Variants in TTYH1 observed in about 807,000 individuals in gnomAD.
TTYH1 encodes the protein protein tweety homolog 1.
A neutral mutation model predicts 61.2 loss-of-function variants in TTYH1; 33 were observed. That is an observed-to-expected ratio of 0.54 (90% CI 0.41 to 0.72). The LOEUF is 0.72. Among genes scored for constraint, TTYH1 ranks in the 30% least tolerant of loss-of-function variants. The probability of loss-of-function intolerance (pLI) is 0.00; values close to 1 mark genes in which losing one functional copy is unlikely to be tolerated. For missense variants in TTYH1, 538 were observed against 575.8 expected (o/e 0.93, Z 0.67); for synonymous variants, 308 against 266.4 (o/e 1.16, Z -1.52).
intron 4 of TTYH1, among the ~76,000 whole-genome samples, chr19:54,423,944 C>T (rs557652077): frequency 4.6e-5 from 7 of 152,216 alleles, no homozygotes; most frequent in African/African-American, 1.2e-4. Flanking sequence ...AGGCGGATCA[C>T]GAGGTCAAGA....
At position 54,429,820 on chromosome 19, in the gene TTYH1, C is replaced by T; in HGVS notation, c.808-62C>T. ...GAGCTGGGGAGCCAGGCACTGGGTG[C>T]TGTGGGAGTGTGGAATCGGGGCAGT... On this transcript the variant is annotated intron_variant, in intron 6 of 13. Transcript: ENST00000376530. This position sits in a 1 kb window ranked among gnomAD's most constrained non-coding sequence, Gnocchi z 5.1. 1.4e-6 allele frequency: 2 copies of T among 1,450,384 alleles called. No homozygotes were observed. Among genetic ancestry groups the T allele is most frequent in the Non-Finnish European group, 1.9e-6 (2 of 1,036,632 alleles). The allele number at this position is 1,450,384 out of a possible 1,614,324, so 89.8% of individuals were successfully genotyped here. A position where few individuals can be genotyped will look rare whatever the true frequency, so the allele number is the denominator to read the frequency against.
Position 54,416,989 on chromosome 19 carries a change from T to A in TTYH1, c.126+1311T>A. 2 of 1,204,322 alleles carry A rather than the reference T, an allele frequency of 1.7e-6. No homozygotes were observed. Among genetic ancestry groups the A allele is most frequent in the Non-Finnish European group, 2.1e-6 (2 of 948,994 alleles). 74.6% of individuals were successfully genotyped at this position (1,204,322 alleles called of 1,614,324 possible). ...GGGGTCAGGGTCAGGGTGGCAGGGA[T>A]GCGCGGGCAGAGCCCCACAGCCGAG... On this transcript the variant is annotated intron_variant, in intron 1 of 13. Coordinates refer to ENST00000376530, the MANE Select transcript of TTYH1 (RefSeq NM_020659.4). This position sits in a 1 kb window ranked among gnomAD's most constrained non-coding sequence, Gnocchi z 7.0.
In TTYH1 at chr19:54,429,325, C is replaced by G. The variant is rs2083387706; in HGVS notation, c.753C>G (p.Leu251=). 6.2e-7 allele frequency: 1 copy of G among 1,614,030 alleles called. No individual in the cohort carries two copies. Among genetic ancestry groups the G allele is most frequent in the Non-Finnish European group, 8.5e-7 (1 of 1,180,032 alleles). The change falls in exon 6 of 14, where the codon CTC becomes CTG. Residue 251 remains leucine, a synonymous_variant. Coordinates refer to ENST00000376530, the MANE Select transcript of TTYH1 (RefSeq NM_020659.4). This position sits in a 1 kb window ranked among gnomAD's most constrained non-coding sequence, Gnocchi z 5.1. ...ACTCTAGGATGACAGTCATGAGTCT[C>G]CTGGTTCTCGTCCTGAGCTGGGGCT... ...WLVIVMTVMS[L]LVLVLSWGSM...
At chr19:54,426,573 C>A in intron 4 of TTYH1, 100 bp from the exon 5 acceptor site, 1 of 911,056 alleles carries the variant, frequency 1.1e-6, no homozygotes, top group Non-Finnish European at 1.8e-6. Context: ...GAATGTGAGG[C>A]TGAGCTGGGG....
chr19:54,420,598 ATGGAGCTC>A lies in TTYH1; in HGVS notation c.306-676_306-669del, dbSNP rs971583080. The A allele has an allele frequency of 1.9e-5, 3 of 159,564 alleles. No individual in the cohort carries two copies. Among genetic ancestry groups the A allele is most frequent in the Non-Finnish European group, 2.9e-5 (2 of 68,036 alleles). 9.9% of individuals were successfully genotyped at this position (159,564 alleles called of 1,614,324 possible). On this transcript the variant is annotated intron_variant, in intron 2 of 13. Coordinates refer to ENST00000376530, the MANE Select transcript of TTYH1 (RefSeq NM_020659.4). This position sits in a 1 kb window ranked among gnomAD's most constrained non-coding sequence, Gnocchi z 4.8. ...TGGGGCCCCACATTCAGGTCCCACA[ATGGAGCTC>A]TGTGTGTCGGTAGGGTGGGGGCGGG...
chr19:54,430,677 G>T, intron 8 of TTYH1, 72 bp downstream of exon 8: 3 of 1,546,122 alleles, frequency 1.9e-6, no homozygotes, highest in Non-Finnish European at 2.7e-6. Flanking sequence ...AGGGGGCGGG[G>T]CTGGGGCTGG....
At chr19:54,417,356 GCACA>G (rs1361699866) in intron 1 of TTYH1, among the ~76,000 whole-genome samples, 2 of 148,890 alleles carry the variant, frequency 1.3e-5, no homozygotes, top group Non-Finnish European at 3.0e-5. Context: ...TTACACACAT[GCACA>G]CACACATATG....
chr19:54,435,181 G>T, intron 10 of TTYH1: 1 of 234,050 alleles, frequency 4.3e-6, no homozygotes. Flanking sequence ...AGATGAAGAT[G>T]GAGGAGAGGG....
In TTYH1 at chr19:54,435,560, C is replaced by A. The variant is rs775216325; in HGVS notation, c.1144C>A (p.Arg382=). The change falls in exon 11 of 14, where the codon CGG becomes AGG. Residue 382 remains arginine (R), a synonymous_variant. Transcript: ENST00000376530. Reference sequence around the variant, plus strand: ...CCCTCAGGACTATGGTGCAGCCCTGCGGGGCCTGTGCGAAGACGCCCTGGA... The same window carrying A: ...CCCTCAGGACTATGGTGCAGCCCTGAGGGGCCTGTGCGAAGACGCCCTGGA... ...SLHKDYGAAL[R]GLCEDALEGL... 6.2e-7 allele frequency: 1 copy of A among 1,605,350 alleles called. No homozygotes were observed. Among genetic ancestry groups the A allele is most frequent in the Admixed American group, 1.7e-5 (1 of 59,758 alleles).
chr19:54,426,473 T>C (rs2083321295), intron 4 of TTYH1, 200 bp from the exon 5 acceptor site: 2 of 608,206 alleles, frequency 3.3e-6, no homozygotes, highest in African/African-American at 1.9e-5. Flanking sequence ...ACCGCTCCAG[T>C]GTCCTGTCTC....
chr19:54,424,866 T>C (rs1429360740), intron 4 of TTYH1, among the ~76,000 whole-genome samples: 1 of 152,158 alleles, frequency 6.6e-6, no homozygotes, highest in African/African-American at 2.4e-5. Context: ...GAGCACTTAC[T>C]ACGTGCCGGG....
rs1256664387 is a variant in TTYH1, at chr19:54,429,218, G to C, written c.735-89G>C. 2.2e-5 allele frequency: 27 copies of C among 1,216,468 alleles called. No individual in the cohort carries two copies. Among genetic ancestry groups the C allele is most frequent in the Admixed American group, 7.0e-5 (4 of 56,968 alleles). 75.4% of individuals were successfully genotyped at this position (1,216,468 alleles called of 1,614,324 possible). A position where few individuals can be genotyped will look rare whatever the true frequency, so the allele number is the denominator to read the frequency against. On this transcript the variant is annotated intron_variant, in intron 5 of 13. Coordinates refer to ENST00000376530, the MANE Select transcript of TTYH1 (RefSeq NM_020659.4). This position sits in a 1 kb window ranked among gnomAD's most constrained non-coding sequence, Gnocchi z 5.1. ...CAGGCTCCAGAGGTGGGTGGAGGTG[G>C]GGGGCGGCTGTGATGGGATTTGGGG...
intron 4 of TTYH1, 59 bp downstream of exon 4, chr19:54,422,469 G>C: frequency 7.0e-7 from 1 of 1,423,716 alleles, no homozygotes; most frequent in Non-Finnish European, 9.4e-7. Context: ...GTCCCCGGGG[G>C]GACAGTTGGC....
At position 54,415,522 on chromosome 19, in the gene TTYH1, G is replaced by C. The variant is rs776175062; in HGVS notation, c.-31G>C. 1 of 1,392,560 alleles carries C rather than the reference G, an allele frequency of 7.2e-7. No homozygotes were observed. The highest frequency in any genetic ancestry group is 1.6e-5 in the South Asian group (1 of 64,408). The allele number at this position is 1,392,560 out of a possible 1,614,324, so 86.3% of individuals were successfully genotyped here. ...CTCCGGAGGCTCCCGCAGCCCCGGC[G>C]TCCGCCCCGCTGCCCCCTCCCCCGG... On this transcript the variant is annotated 5_prime_UTR_variant, in exon 1 of 14. Transcript: ENST00000376530. This position sits in a 1 kb window ranked among gnomAD's most constrained non-coding sequence, Gnocchi z 5.2.
chr19:54,417,271 C>A (rs979824899), intron 1 of TTYH1, among the ~76,000 whole-genome samples: 7 of 151,338 alleles, frequency 4.6e-5, no homozygotes, highest in African/African-American at 1.7e-4. Flanking sequence ...CACACTCAGA[C>A]ACACCCACTT....
rs190125538 is a variant in TTYH1, at chr19:54,417,097, G to A, written c.126+1419G>A. ...GCCAGGGCCTCAGGGACACTGGCCC[G>A]GGGGAGGCACACAGCCACACGCACA... is the stretch of plus-strand genomic sequence containing the variant. On this transcript the variant is annotated intron_variant, in intron 1 of 13. Coordinates refer to ENST00000376530, the MANE Select transcript of TTYH1 (RefSeq NM_020659.4). 1.9e-3 allele frequency among the ~76,000 whole-genome samples: 295 copies of A among 152,148 alleles called. 1 individual carries two copies. The highest frequency in any genetic ancestry group is 6.7e-3 in the African/African-American group (279 of 41,520).
At position 54,430,079 on chromosome 19, in the gene TTYH1, C is replaced by T; in HGVS notation, c.883+122C>T. ...GGGGGTGCAGCCTGCCAGGCGAGAC[C>T]CAGCCCTCTGGAAGGGAAGCAGGGC... On this transcript the variant is annotated intron_variant, in intron 7 of 13. Transcript: ENST00000376530. The T allele has an allele frequency of 3.6e-6, 3 of 844,766 alleles. No homozygotes were observed. In the East Asian group the frequency reaches 7.9e-5, roughly 22 times the overall value. 52.3% of individuals were successfully genotyped at this position (844,766 alleles called of 1,614,324 possible). A position where few individuals can be genotyped will look rare whatever the true frequency, so the allele number is the denominator to read the frequency against.
chr19:54,436,448 G>A lies in TTYH1; in HGVS notation c.*158G>A. The A allele has an allele frequency of 5.2e-6, 8 of 1,528,392 alleles. No individual in the cohort carries two copies. Among genetic ancestry groups the A allele is most frequent in the East Asian group, 2.3e-5 (1 of 44,332 alleles). 94.7% of individuals were successfully genotyped at this position (1,528,392 alleles called of 1,614,324 possible). On this transcript the variant is annotated 3_prime_UTR_variant, in exon 14 of 14. Transcript: ENST00000376530. The surrounding 1 kb of genome is among the most constrained non-coding windows in gnomAD (Gnocchi z 4.3). ...GACCGCCTCCCTGCTCTTGGCCACT[G>A]TGCTCCCATTTCTGTCCTTGGCCTT...
In TTYH1 at chr19:54,430,560, C is replaced by T. The variant is rs143753872; in HGVS notation, c.894C>T (p.Ser298=). Residue 298 remains serine (S), a synonymous_variant, in exon 8 of 14, where the codon AGC becomes AGT. Coordinates refer to ENST00000376530, the MANE Select transcript of TTYH1 (RefSeq NM_020659.4). ...EETGLSSDIL[S]YYLLCNRAVS... ...CTCCTCCCACTTCAGACATCCTGAG[C>T]TATTATCTCCTCTGCAACCGGGCCG... is the stretch of plus-strand genomic sequence containing the variant. The T allele has an allele frequency of 4.6e-4, 746 of 1,613,846 alleles. 19 individuals carry two copies. In the South Asian group the frequency reaches 7.7e-3, roughly 17 times the overall value.
Sources: gnomAD v4.1 joint callset for allele counts (sites outside exome capture counted in the v4.1 genomes callset) on GRCh38, gnomAD v4.1.1 for gene constraint, Gnocchi (gnomAD v3.1) non-coding constraint, MANE v1.5 for transcripts, NCBI Gene and HGNC (gene_info 2026-07-23, HGNC 2026-07-21) for gene names.